Variants in DMRT1 observed in about 807,000 individuals in gnomAD.
DMRT1 encodes the protein doublesex- and mab-3-related transcription factor 1.
A neutral mutation model predicts 32.3 loss-of-function variants in DMRT1; 7 were observed. The observed-to-expected ratio is 0.22, with a 90% confidence interval of 0.12 to 0.41. DMRT1 has a LOEUF of 0.41. Among genes scored for constraint, DMRT1 ranks in the 10% least tolerant of loss-of-function variants. The pLI, the probability that DMRT1 is intolerant of heterozygous loss-of-function variation, is 1.00. For synonymous variants in DMRT1, 278 were observed against 206.1 expected, an observed-to-expected ratio of 1.35 and a Z score of -2.99; for missense variants, 625 against 500.5, an observed-to-expected ratio of 1.25 and a Z score of -2.37.
chr9:890,376 G>A (rs1303662840), intron 2 of DMRT1, among the ~76,000 whole-genome samples: 2 of 152,240 alleles, frequency 1.3e-5, no homozygotes, highest in African/African-American at 4.8e-5. Flanking sequence ...TAGCTGGGAA[G>A]AGGAGAGAAG....
chr9:854,143 G>A (rs1233560470), intron 2 of DMRT1, among the ~76,000 whole-genome samples: 1 of 151,122 alleles, frequency 6.6e-6, no homozygotes, highest in African/African-American at 2.4e-5. Flanking sequence ...AAGAGACAGA[G>A]GTTCGTTCTG....
At chr9:949,388 CCCA>C in intron 4 of DMRT1, among the ~76,000 whole-genome samples, 1 of 151,896 alleles carries the variant, frequency 6.6e-6, no homozygotes, top group South Asian at 2.1e-4. Flanking sequence ...CCCCAAAAAA[CCCA>C]CAAAAAACTT....
intron 4 of DMRT1, among the ~76,000 whole-genome samples, chr9:962,336 C>G (rs1819800461): frequency 6.6e-6 from 1 of 152,048 alleles, no homozygotes; most frequent in Non-Finnish European, 1.5e-5. Context: ...CCATTGCTGA[C>G]AGGCAAGAAG....
chr9:878,823 T>C (rs1160765948), intron 2 of DMRT1, among the ~76,000 whole-genome samples: 3 of 152,220 alleles, frequency 2.0e-5, no homozygotes, highest in East Asian at 1.9e-4. Context: ...TCTCATATAA[T>C]TCTCAAGTAG....
chr9:968,167 CT>C lies in DMRT1; in HGVS notation c.*30del. On this transcript the variant is annotated 3_prime_UTR_variant, in exon 5 of 5. Transcript: ENST00000382276. ...AGTGCCTGCTGCCGATGGCGGTTCA[CT>C]TGGAGTAACAGGCTTATTCCACTTT... 5.6e-6 allele frequency: 9 copies of C among 1,613,252 alleles called. No individual in the cohort carries two copies. Among genetic ancestry groups the C allele is most frequent in the Non-Finnish European group, 7.6e-6 (9 of 1,179,860 alleles).
chr9:922,500 T>A (rs1454975066), intron 4 of DMRT1, among the ~76,000 whole-genome samples: 1 of 152,094 alleles, frequency 6.6e-6, no homozygotes, highest in Non-Finnish European at 1.5e-5. Flanking sequence ...TGTCTAGAGG[T>A]GGGTGGCACT....
chr9:961,246 C>T (rs1373434021), intron 4 of DMRT1, among the ~76,000 whole-genome samples: 2 of 152,196 alleles, frequency 1.3e-5, no homozygotes, highest in African/African-American at 4.8e-5. Flanking sequence ...AACCCACACA[C>T]TGGGTAACTC....
chr9:913,949 T>G (rs1818080797), intron 3 of DMRT1, among the ~76,000 whole-genome samples: 1 of 152,112 alleles, frequency 6.6e-6, no homozygotes, highest in Non-Finnish European at 1.5e-5. Context: ...GTACTAAGTA[T>G]GAGAGGAAGG....
chr9:871,471 T>C (rs1299485925), intron 2 of DMRT1, among the ~76,000 whole-genome samples: 2 of 148,612 alleles, frequency 1.3e-5, no homozygotes, highest in Non-Finnish European at 3.0e-5. Context: ...TAGCTGGGAC[T>C]ACAGGCATGC....
intron 2 of DMRT1, among the ~76,000 whole-genome samples, chr9:863,430 T>A (rs1402873649): frequency 6.6e-6 from 1 of 151,874 alleles, no homozygotes. Context: ...GACAGAGACT[T>A]GACCTGCTAT....
At chr9:896,767 C>T (rs1817384118) in intron 3 of DMRT1, among the ~76,000 whole-genome samples, 1 of 151,580 alleles carries the variant, frequency 6.6e-6, no homozygotes, top group African/African-American at 2.4e-5. Context: ...GAGCAGAGAT[C>T]GCGCCATTGT....
chr9:927,479 G>A (rs560877167), intron 4 of DMRT1, among the ~76,000 whole-genome samples: 6 of 152,322 alleles, frequency 3.9e-5, no homozygotes, highest in African/African-American at 1.4e-4. Flanking sequence ...TGCCCGGCGC[G>A]GTGGCGTTTA....
chr9:853,034 G>C (rs1815228909), intron 2 of DMRT1, among the ~76,000 whole-genome samples: 1 of 152,174 alleles, frequency 6.6e-6, no homozygotes, highest in African/African-American at 2.4e-5. Flanking sequence ...ACAAGTAAGA[G>C]ATATGGCTGG....
chr9:865,746 G>T (rs10977205), intron 2 of DMRT1, among the ~76,000 whole-genome samples: 124,267 of 152,162 alleles, frequency 0.82, 51,061 homozygotes, highest in Admixed American at 0.89. Flanking sequence ...GCTCAAACAT[G>T]GTAGATGTAT....
chr9:869,324 G>C (rs1327241650), intron 2 of DMRT1, among the ~76,000 whole-genome samples: 1 of 151,950 alleles, frequency 6.6e-6, no homozygotes, highest in African/African-American at 2.4e-5. Context: ...TCAAGGCATT[G>C]GCATGTTCAT....
chr9:871,265 C>CAATT (rs1345602451), intron 2 of DMRT1, among the ~76,000 whole-genome samples: 1 of 151,352 alleles, frequency 6.6e-6, no homozygotes, highest in Non-Finnish European at 1.5e-5. Flanking sequence ...TGAGCTCGAG[C>CAATT]AATTCTCCAC....
At chr9:931,080 G>T (rs1818710577) in intron 4 of DMRT1, among the ~76,000 whole-genome samples, 1 of 152,244 alleles carries the variant, frequency 6.6e-6, no homozygotes, top group South Asian at 2.1e-4. Context: ...GAATTTGCCT[G>T]TTCTGGACTT....
intron 4 of DMRT1, among the ~76,000 whole-genome samples, chr9:945,851 G>C (rs1954251962): frequency 6.6e-6 from 1 of 151,058 alleles, no homozygotes; most frequent in Non-Finnish European, 1.5e-5. Flanking sequence ...CTCTTGATGT[G>C]TGTTGTTCCA....
chr9:930,769 C>T (rs377606709), intron 4 of DMRT1, among the ~76,000 whole-genome samples: 1 of 127,932 alleles, frequency 7.8e-6, no homozygotes, highest in African/African-American at 4.4e-5. Flanking sequence ...GTCTCAAACT[C>T]TGGGCCTCAA....
Sources: allele counts gnomAD v4.1 joint callset (sites outside exome capture counted in the v4.1 genomes callset), GRCh38; gene constraint gnomAD v4.1.1; transcripts MANE v1.5; gene names NCBI Gene and HGNC (gene_info 2026-07-23, HGNC 2026-07-21).